Variants in CORIN observed in about 807,000 individuals in gnomAD.
CORIN encodes corin, serine peptidase.
In CORIN, 117 loss-of-function variants were observed where a neutral mutation model predicts 125.3. That is an observed-to-expected ratio of 0.93 (90% confidence interval 0.80 to 1.09). CORIN has a LOEUF of 1.09. CORIN is among the 50% of genes least tolerant of loss of function. The pLI is 0.00. For synonymous variants in CORIN, 450 were observed against 466.4 expected (o/e 0.96, Z 0.45); for missense variants, 1,253 against 1,306.7 (o/e 0.96, Z 0.63).
chr4:47,680,214 C>A lies in CORIN; in HGVS notation c.1059G>T (p.Gly353=). 1 of 1,614,050 alleles carries A rather than the reference C, an allele frequency of 6.2e-7. No individual in the cohort carries two copies. Among genetic ancestry groups the A allele is most frequent in the African/African-American group, 1.3e-5 (1 of 75,060 alleles). Residue 353 remains glycine, a synonymous_variant, in exon 8 of 22, where the codon GGG becomes GGT. Coordinates refer to ENST00000273857, the MANE Select transcript of CORIN (RefSeq NM_006587.4). ...ACACCCACTCCATGGCGATGCAGCG[C>A]CCGTCCCCGCAGCGATGCTCTGTTG... ...NPTTEHRCGD[G]RCIAMEWVCD... is the part of the protein sequence containing the mutation.
intron 5 of CORIN, among the ~76,000 whole-genome samples, chr4:47,743,809 C>T (rs1386895272): frequency 1.3e-5 from 2 of 151,724 alleles, no homozygotes; most frequent in African/African-American, 2.4e-5. Flanking sequence ...TGCTCGAACC[C>T]GAAAGGCAGA....
At chr4:47,657,103 C>T (rs896606752) in intron 12 of CORIN, among the ~76,000 whole-genome samples, 5 of 152,010 alleles carry the variant, frequency 3.3e-5, no homozygotes, top group Non-Finnish European at 7.4e-5. Flanking sequence ...GTGATGAAAA[C>T]CATAAAACAC....
intron 2 of CORIN, among the ~76,000 whole-genome samples, chr4:47,799,404 AC>A (rs1277252272): frequency 6.6e-6 from 1 of 152,008 alleles, no homozygotes; most frequent in East Asian, 1.9e-4. Context: ...CCAACAGCAT[AC>A]CTTTTCTCAA....
intron 19 of CORIN, among the ~76,000 whole-genome samples, chr4:47,616,294 T>A (rs1577740175): frequency 6.6e-6 from 1 of 152,258 alleles, no homozygotes; most frequent in East Asian, 1.9e-4. Context: ...TTCATATTAA[T>A]ATTCACATAC....
At chr4:47,711,966 C>A (rs555234363) in intron 5 of CORIN, among the ~76,000 whole-genome samples, 4 of 152,314 alleles carry the variant, frequency 2.6e-5, no homozygotes, top group South Asian at 4.1e-4. Context: ...ATTGCTACTA[C>A]GAGAAAGCAG....
chr4:47,658,266 G>A (rs961216351), intron 12 of CORIN, among the ~76,000 whole-genome samples: 1 of 152,186 alleles, frequency 6.6e-6, no homozygotes, highest in Non-Finnish European at 1.5e-5. Flanking sequence ...AATCTCCTTG[G>A]ACTCCATATC....
intron 4 of CORIN, among the ~76,000 whole-genome samples, chr4:47,750,218 T>C (rs1042120140): frequency 1.3e-5 from 2 of 152,180 alleles, no homozygotes; most frequent in African/African-American, 4.8e-5. Context: ...TAGCGGGGTA[T>C]GAGAAGCAGA....
chr4:47,701,621 C>T, intron 5 of CORIN, among the ~76,000 whole-genome samples: 1 of 152,082 alleles, frequency 6.6e-6, no homozygotes. Context: ...CATCATTCAA[C>T]ATTTCAAGTA....
At chr4:47,687,696 G>C (rs1170766617) in intron 6 of CORIN, among the ~76,000 whole-genome samples, 1 of 152,188 alleles carries the variant, frequency 6.6e-6, no homozygotes, top group Non-Finnish European at 1.5e-5. Context: ...CAAGATGCAA[G>C]TACGGATGCT....
At chr4:47,799,362 T>C (rs1263926657) in intron 2 of CORIN, among the ~76,000 whole-genome samples, 1 of 152,182 alleles carries the variant, frequency 6.6e-6, no homozygotes, top group Admixed American at 6.5e-5. Context: ...CAAAAGTTTT[T>C]TCCACAGTGA....
intron 1 of CORIN, among the ~76,000 whole-genome samples, chr4:47,837,032 T>C (rs188881154): frequency 2.7e-3 from 404 of 152,296 alleles, no homozygotes; most frequent in African/African-American, 3.9e-3. Flanking sequence ...CTCAGGCCAG[T>C]AGGGACTGTC....
At chr4:47,834,949 T>C (rs1195588675) in intron 1 of CORIN, among the ~76,000 whole-genome samples, 1 of 152,214 alleles carries the variant, frequency 6.6e-6, no homozygotes, top group African/African-American at 2.4e-5. Context: ...ATTATTTGAC[T>C]TGCCCAGAGC....
At chr4:47,772,111 A>AGATAG (rs1730068393) in intron 3 of CORIN, among the ~76,000 whole-genome samples, 1 of 151,614 alleles carries the variant, frequency 6.6e-6, no homozygotes, top group Non-Finnish European at 1.5e-5. Context: ...ATAGATAGAT[A>AGATAG]GATAGGTAGA....
intron 4 of CORIN, among the ~76,000 whole-genome samples, chr4:47,752,039 CAATT>C (rs1294565410): frequency 6.6e-6 from 1 of 151,954 alleles, no homozygotes; most frequent in Non-Finnish European, 1.5e-5. Context: ...CCACTTCAAT[CAATT>C]ATGACAGGAT....
At chr4:47,637,350 C>A (rs1723066464) in intron 16 of CORIN, among the ~76,000 whole-genome samples, 1 of 152,168 alleles carries the variant, frequency 6.6e-6, no homozygotes, top group Non-Finnish European at 1.5e-5. Context: ...TTCAAGCTGG[C>A]TGCAGAAGTA....
At chr4:47,684,389 T>C (rs1256876131) in intron 6 of CORIN, among the ~76,000 whole-genome samples, 1 of 152,228 alleles carries the variant, frequency 6.6e-6, no homozygotes, top group Non-Finnish European at 1.5e-5. Flanking sequence ...AAGTGCTATG[T>C]AATCTCAGGA....
In CORIN at chr4:47,648,006, G is replaced by T. The variant is rs201902230; in HGVS notation, c.1844-2812C>A. 6.0e-4 allele frequency among the ~76,000 whole-genome samples: 92 copies of T among 152,300 alleles called. No individual in the cohort carries two copies. The East Asian group carries it at 0.018, about 29-fold the overall frequency. ...CCATGTCTTCTCTTTTCTCATAAAA[G>T]TTTGCATAGCATAATACCTCCTTTG... On this transcript the variant is annotated intron_variant, in intron 13 of 21. Coordinates refer to ENST00000273857, the MANE Select transcript of CORIN (RefSeq NM_006587.4).
At chr4:47,711,146 C>T (rs188467362) in intron 5 of CORIN, among the ~76,000 whole-genome samples, 1 of 152,294 alleles carries the variant, frequency 6.6e-6, no homozygotes, top group Non-Finnish European at 1.5e-5. Flanking sequence ...TCAAACCTGA[C>T]CCCTTGATCA....
At chr4:47,837,229 T>C (rs1733480549) in intron 1 of CORIN, 1 of 155,584 alleles carries the variant, frequency 6.4e-6, no homozygotes, top group Non-Finnish European at 1.4e-5. Context: ...CCCAGCACTC[T>C]GCAAGAGGGC....
Sources: gnomAD v4.1 joint callset for allele counts (sites outside exome capture counted in the v4.1 genomes callset) on GRCh38, gnomAD v4.1.1 for gene constraint, MANE v1.5 for transcripts, NCBI Gene and HGNC (gene_info 2026-07-23, HGNC 2026-07-21) for gene names.